Variants in CDH23 observed in about 807,000 individuals in gnomAD.
The protein encoded by CDH23 is cadherin-23.
Under a neutral mutation model 317.1 loss-of-function variants are expected in CDH23, and 189 were observed. The observed-to-expected ratio is 0.60, with a 90% CI of 0.53 to 0.67. CDH23 has a LOEUF of 0.67. Ranked by LOEUF, CDH23 falls within the 30% of genes least tolerant of loss-of-function variation. CDH23 has a pLI of 0.00. For synonymous variants in CDH23, 1,839 were observed against 1,876.8 expected (o/e 0.98, Z 0.52); for missense variants, 4,401 against 4,592.4 (o/e 0.96, Z 1.20).
At chr10:71,679,159 C>T (rs893053489) in intron 16 of CDH23, among the ~76,000 whole-genome samples, 80 of 152,172 alleles carry the variant, frequency 5.3e-4, no homozygotes, top group African/African-American at 1.8e-3. Flanking sequence ...CCTCCACACC[C>T]AGCACATGGA....
intron 38 of CDH23, among the ~76,000 whole-genome samples, chr10:71,743,283 G>A (rs1471789477): frequency 2.0e-5 from 3 of 152,240 alleles, no homozygotes; most frequent in African/African-American, 7.2e-5. Flanking sequence ...GAAGGACCCT[G>A]ATTGCAAATG....
chr10:71,690,646 G>C lies in CDH23; in HGVS notation c.2176+62G>C, dbSNP rs566119992. 4.0e-6 allele frequency: 5 copies of C among 1,235,050 alleles called. No homozygotes were observed. The East Asian group carries it at 1.3e-4, about 31-fold the overall frequency. The allele number at this position is 1,235,050 out of a possible 1,614,324, so 76.5% of individuals were successfully genotyped here. On this transcript the variant is annotated intron_variant, in intron 20 of 69. Transcript: ENST00000224721. ...ACCCTGAGGCTGACTGTCCATACCCGGCCCCAGGACCAGCCTCTGGGCCCA... is the reference window on the plus strand; with the variant it reads ...ACCCTGAGGCTGACTGTCCATACCCCGCCCCAGGACCAGCCTCTGGGCCCA...
At chr10:71,789,359 C>G (rs1311002504) in intron 45 of CDH23, among the ~76,000 whole-genome samples, 1 of 152,172 alleles carries the variant, frequency 6.6e-6, no homozygotes, top group Non-Finnish European at 1.5e-5. Flanking sequence ...GTGGGTCCAC[C>G]CCTCACTGCT....
chr10:71,580,054 A>C (rs540524592), intron 9 of CDH23, among the ~76,000 whole-genome samples: 12 of 152,344 alleles, frequency 7.9e-5, no homozygotes, highest in African/African-American at 2.6e-4. Flanking sequence ...ACTCCTGCAG[A>C]GACCCTGTGA....
At chr10:71,457,594 C>G (rs756761433) in intron 3 of CDH23, among the ~76,000 whole-genome samples, 3 of 152,132 alleles carry the variant, frequency 2.0e-5, no homozygotes, top group Non-Finnish European at 4.4e-5. Flanking sequence ...AGCAGCTGCT[C>G]CTAAGGAGGG....
intron 11 of CDH23, among the ~76,000 whole-genome samples, chr10:71,634,688 A>G (rs2074420111): frequency 6.6e-6 from 1 of 152,244 alleles, no homozygotes; most frequent in Non-Finnish European, 1.5e-5. Context: ...AGGGTAGAGC[A>G]TGGTGTCCTT....
intron 6 of CDH23, among the ~76,000 whole-genome samples, chr10:71,551,783 G>T (rs1272113619): frequency 1.3e-5 from 2 of 152,150 alleles, no homozygotes; most frequent in East Asian, 3.9e-4. Context: ...AGTGGGCCTT[G>T]GTCTCCGAGA....
chr10:71,617,666 T>C (rs894039849), intron 11 of CDH23: 1 of 455,216 alleles, frequency 2.2e-6, no homozygotes, highest in Non-Finnish European at 2.9e-6. Context: ...ACTAATCTAG[T>C]AGGGATATTG....
chr10:71,442,202 G>A (rs113151341), intron 2 of CDH23, among the ~76,000 whole-genome samples: 35 of 152,344 alleles, frequency 2.3e-4, no homozygotes, highest in African/African-American at 8.2e-4. Flanking sequence ...CTATGCCAAA[G>A]CGTGTATGGT....
At chr10:71,435,497 G>A (rs1849575501) in intron 1 of CDH23, among the ~76,000 whole-genome samples, 1 of 152,236 alleles carries the variant, frequency 6.6e-6, no homozygotes, top group South Asian at 2.1e-4. Flanking sequence ...GGGCTTTGGG[G>A]ACTGGCTATG....
chr10:71,787,678 A>G (rs1841141957), intron 44 of CDH23, among the ~76,000 whole-genome samples: 1 of 152,170 alleles, frequency 6.6e-6, no homozygotes, highest in African/African-American at 2.4e-5. Context: ...ACTTAGGATA[A>G]TGGCCTTCAG....
intron 3 of CDH23, among the ~76,000 whole-genome samples, chr10:71,493,237 A>G (rs1432143513): frequency 2.6e-5 from 4 of 152,124 alleles, no homozygotes; most frequent in Admixed American, 2.0e-4. Context: ...CCTGAGTGAA[A>G]GCAGCTCAAA....
At chr10:71,432,009 G>GT (rs1282575513) in intron 1 of CDH23, among the ~76,000 whole-genome samples, 1 of 152,180 alleles carries the variant, frequency 6.6e-6, no homozygotes, top group African/African-American at 2.4e-5. Flanking sequence ...TTCCTCTTAG[G>GT]TTTTTTTCTG....
chr10:71,591,420 G>T (rs1199318381), intron 9 of CDH23, among the ~76,000 whole-genome samples: 1 of 152,070 alleles, frequency 6.6e-6, no homozygotes, highest in Non-Finnish European at 1.5e-5. Context: ...TCTTCAACTG[G>T]GCTCGTGTCC....
intron 34 of CDH23, chr10:71,737,798 C>T: frequency 2.1e-6 from 1 of 466,964 alleles, no homozygotes; most frequent in Non-Finnish European, 4.4e-6. Context: ...GGCCTTCACT[C>T]TCCTGCCTCT....
intron 53 of CDH23, 105 bp from the exon 54 acceptor site, chr10:71,802,793 C>A: frequency 8.3e-7 from 1 of 1,209,748 alleles, no homozygotes; most frequent in Non-Finnish European, 1.2e-6. Context: ...CCCTCCCAGG[C>A]TGGTGCCTGT....
chr10:71,645,777 A>G, intron 12 of CDH23, 54 bp from the exon 13 acceptor site: 2 of 1,598,422 alleles, frequency 1.3e-6, no homozygotes, highest in African/African-American at 2.7e-5. Context: ...ATTTGGGTCT[A>G]GGCTTTGGCC....
chr10:71,814,589 G>A (rs971733483), intron 69 of CDH23, among the ~76,000 whole-genome samples: 12 of 152,156 alleles, frequency 7.9e-5, no homozygotes, highest in Non-Finnish European at 1.5e-4. Flanking sequence ...AAGTCAGGAG[G>A]TGGAGATTGC....
At chr10:71,746,397 G>A (rs991256922) in intron 38 of CDH23, among the ~76,000 whole-genome samples, 2 of 152,200 alleles carry the variant, frequency 1.3e-5, no homozygotes, top group South Asian at 2.1e-4. Flanking sequence ...AACAGCCTAG[G>A]CCACCCCCAT....
Sources: allele counts gnomAD v4.1 joint callset (sites outside exome capture counted in the v4.1 genomes callset), GRCh38; gene constraint gnomAD v4.1.1; transcripts MANE v1.5; gene names NCBI Gene and HGNC (gene_info 2026-07-23, HGNC 2026-07-21).